The following MACROD1 variants were observed in gnomAD, a reference collection of about 807,000 sequenced individuals.
MACROD1 encodes ADP-ribose glycohydrolase MACROD1.
Under a neutral mutation model 41.4 loss-of-function variants are expected in MACROD1, and 31 were observed. The ratio of observed to expected loss-of-function variants is 0.75; its 90% CI spans 0.56 to 1.01. MACROD1 has a LOEUF of 1.01. Ranked by LOEUF, MACROD1 falls within the 50% of genes least tolerant of loss-of-function variation. MACROD1 has a pLI of 0.00. For missense variants in MACROD1, 473 were observed against 460.0 expected (o/e 1.03, Z -0.26); for synonymous variants, 252 against 203.4 (o/e 1.24, Z -2.03).
In MACROD1 at chr11:64,092,232, T is replaced by C. The variant is rs188672507; in HGVS notation, c.517+59007A>G. Among the ~76,000 whole-genome samples, 193 of 152,320 alleles carry C rather than the reference T, an allele frequency of 1.3e-3. 2 individuals carry two copies. The highest frequency in any genetic ancestry group is 1.1e-3 in the Non-Finnish European group (77 of 68,016). ...TACCCACTAACGTCTCCCCTGTTCT[T>C]GTCTTTCTGTCTGCCTCTTAAAAAA... On this transcript the variant is annotated intron_variant, in intron 3 of 10. Transcript: ENST00000255681.
intron 3 of MACROD1, among the ~76,000 whole-genome samples, chr11:64,053,614 C>A (rs1011782791): frequency 2.6e-5 from 4 of 152,136 alleles, no homozygotes; most frequent in Non-Finnish European, 5.9e-5. Flanking sequence ...GGATGTGGGG[C>A]CCCTACCCTG....
At chr11:64,039,380 G>T (rs1044336821) in intron 3 of MACROD1, among the ~76,000 whole-genome samples, 1 of 152,154 alleles carries the variant, frequency 6.6e-6, no homozygotes, top group African/African-American at 2.4e-5. Flanking sequence ...TGCTGCCCCC[G>T]GTGTACTGCC....
chr11:64,149,220 G>A (rs530375535), intron 3 of MACROD1, among the ~76,000 whole-genome samples: 1 of 152,290 alleles, frequency 6.6e-6, no homozygotes, highest in East Asian at 1.9e-4. Flanking sequence ...GCTGAGCCCC[G>A]ATTCCCGCCA....
At chr11:64,008,896 G>A (rs1008918324) in intron 4 of MACROD1, 1 of 152,240 alleles carries the variant, frequency 6.6e-6, no homozygotes, top group Non-Finnish European at 1.5e-5. Flanking sequence ...TGACCCTTTG[G>A]GGCGCTGGCC....
chr11:64,155,525 G>C (rs1945653878), intron 1 of MACROD1, among the ~76,000 whole-genome samples: 1 of 152,236 alleles, frequency 6.6e-6, no homozygotes, highest in Non-Finnish European at 1.5e-5. Context: ...CAGGCTTGCT[G>C]GGAGGGTCAA....
At chr11:64,014,477 G>A (rs1431068681) in intron 4 of MACROD1, among the ~76,000 whole-genome samples, 2 of 152,192 alleles carry the variant, frequency 1.3e-5, no homozygotes, top group African/African-American at 4.8e-5. Context: ...CCCTGCCACC[G>A]CTGCCGTAAA....
intron 1 of MACROD1, among the ~76,000 whole-genome samples, chr11:64,165,335 C>T (rs1945822568): frequency 6.6e-6 from 1 of 152,234 alleles, no homozygotes; most frequent in African/African-American, 2.4e-5. Context: ...TTGGGGAAGC[C>T]AGCTGTGGCA....
At chr11:64,092,431 G>A (rs925325573) in intron 3 of MACROD1, among the ~76,000 whole-genome samples, 1 of 152,252 alleles carries the variant, frequency 6.6e-6, no homozygotes, top group Non-Finnish European at 1.5e-5. Context: ...TGGAGGGCTG[G>A]TGGGGCCTCC....
chr11:64,031,427 C>G (rs935331059), intron 3 of MACROD1, among the ~76,000 whole-genome samples: 3 of 149,970 alleles, frequency 2.0e-5, no homozygotes, highest in Non-Finnish European at 4.4e-5. Context: ...GGAGTTAGAA[C>G]TTGGATCAGA....
At chr11:64,003,120 C>A (rs1942853608) in intron 4 of MACROD1, among the ~76,000 whole-genome samples, 1 of 152,192 alleles carries the variant, frequency 6.6e-6, no homozygotes. Flanking sequence ...ATGAAGCCTT[C>A]CTCCACCTGT....
In MACROD1 at chr11:64,146,890, C is replaced by T. The variant is rs1245818782; in HGVS notation, c.517+4349G>A. On this transcript the variant is annotated intron_variant, in intron 3 of 10. Transcript: ENST00000255681. This position sits in a 1 kb window ranked among gnomAD's most constrained non-coding sequence, Gnocchi z 4.7. Reference sequence around the variant, plus strand: ...TCACACAAGCACAGACACAAACATGCTACATCACAAACACACGCACCGCAC... The same window carrying T: ...TCACACAAGCACAGACACAAACATGTTACATCACAAACACACGCACCGCAC... Among the ~76,000 whole-genome samples the T allele has an allele frequency of 2.0e-5, 3 of 151,528 alleles. No individual in the cohort carries two copies. The highest frequency in any genetic ancestry group is 4.4e-5 in the Non-Finnish European group (3 of 67,872).
chr11:64,098,290 C>G (rs1259091544), intron 3 of MACROD1, among the ~76,000 whole-genome samples: 1 of 152,216 alleles, frequency 6.6e-6, no homozygotes, highest in Non-Finnish European at 1.5e-5. Flanking sequence ...TGCTTCAGCT[C>G]GGATCACGGC....
intron 3 of MACROD1, among the ~76,000 whole-genome samples, chr11:64,099,165 G>C (rs1051906824): frequency 6.6e-6 from 1 of 152,208 alleles, no homozygotes; most frequent in Admixed American, 6.5e-5. Flanking sequence ...GTCATAACAT[G>C]AGAGTACCCC....
intron 3 of MACROD1, among the ~76,000 whole-genome samples, chr11:64,110,021 C>A (rs940194857): frequency 6.6e-6 from 1 of 152,088 alleles, no homozygotes; most frequent in Non-Finnish European, 1.5e-5. Context: ...CCAGATCACA[C>A]TCAGGAGGGG....
intron 8 of MACROD1, 48 bp from the exon 9 acceptor site, chr11:63,999,084 C>A: frequency 6.5e-7 from 1 of 1,527,118 alleles, no homozygotes; most frequent in East Asian, 2.4e-5. Flanking sequence ...CGCCTGGCCC[C>A]AGGATCCTGT....
intron 1 of MACROD1, among the ~76,000 whole-genome samples, chr11:64,158,690 A>G (rs1945706524): frequency 6.6e-6 from 1 of 151,230 alleles, no homozygotes. Flanking sequence ...TTTGTGGCTC[A>G]CAGCTCTGCC....
rs560892540 is a variant in MACROD1, at chr11:64,096,637, G to A, written c.517+54602C>T. Among the ~76,000 whole-genome samples the A allele has an allele frequency of 1.3e-5, 2 of 152,124 alleles. No individual in the cohort carries two copies. Among genetic ancestry groups the A allele is most frequent in the South Asian group, 2.1e-4 (1 of 4,810 alleles). ...TCAACATGTTGGCCAGGCTGGTCTC[G>A]AACTCCTGACCTCAAGTTATCCGCC... On this transcript the variant is annotated intron_variant, in intron 3 of 10. Coordinates refer to ENST00000255681, the MANE Select transcript of MACROD1 (RefSeq NM_014067.4). The surrounding 1 kb of genome is among the most constrained non-coding windows in gnomAD (Gnocchi z 4.6).
At chr11:64,084,392 C>G (rs1264107959) in intron 3 of MACROD1, among the ~76,000 whole-genome samples, 2 of 152,220 alleles carry the variant, frequency 1.3e-5, no homozygotes, top group East Asian at 3.8e-4. Context: ...TCTGCCCCCG[C>G]TGCCTGAGCT....
Position 64,073,373 on chromosome 11 carries a change from G to C in MACROD1, c.518-58092C>G, listed in dbSNP as rs139614672. 3.8e-3 allele frequency among the ~76,000 whole-genome samples: 581 copies of C among 152,306 alleles called. 4 individuals carry two copies. Among genetic ancestry groups the C allele is most frequent in the African/African-American group, 0.013 (558 of 41,568 alleles). ...CTTTGCTCTGAGGCAGCCCAGACCA[G>C]ACTTGGGGGTCCCAGAGACCTGTCT... On this transcript the variant is annotated intron_variant, in intron 3 of 10. Coordinates refer to ENST00000255681, the MANE Select transcript of MACROD1 (RefSeq NM_014067.4).
Sources: gnomAD v4.1 joint callset for allele counts (sites outside exome capture counted in the v4.1 genomes callset) on GRCh38, gnomAD v4.1.1 for gene constraint, Gnocchi (gnomAD v3.1) non-coding constraint, MANE v1.5 for transcripts, NCBI Gene and HGNC (gene_info 2026-07-23, HGNC 2026-07-21) for gene names.